ATG2B: variants seen among roughly 807,000 people sequenced by gnomAD.
ATG2B encodes the protein autophagy related 2B.
In ATG2B, 121 loss-of-function variants were observed where a neutral mutation model predicts 241.3. The observed-to-expected ratio is 0.50, with a 90% confidence interval of 0.43 to 0.58. ATG2B has a LOEUF of 0.58. Ranked by LOEUF, ATG2B falls within the 20% of genes least tolerant of loss-of-function variation. The pLI is 0.00. For synonymous variants in ATG2B, 858 were observed against 876.6 expected (o/e 0.98, Z 0.37); for missense variants, 2,306 against 2,491.6 (o/e 0.93, Z 1.59).
In ATG2B at chr14:96,347,197, G is replaced by A. The variant is rs367662140; in HGVS notation, c.307C>T (p.Arg103Trp). 1.4e-5 allele frequency: 22 copies of A among 1,594,368 alleles called. No homozygotes were observed. The highest frequency in any genetic ancestry group is 6.7e-5 in the South Asian group (6 of 89,468). ...CACCAACCTGGGCGAGGTCTAGGCC[G>A]GAAGACCATTTCTAATCCTCTCACT... ...LEVRGLEMVF[R>W]PRPRPATGSE... The change falls in exon 2 of 42, where the codon CGG becomes TGG. Residue 103 changes from arginine to tryptophan, a missense_variant. By Grantham distance (101) the Arg-to-Trp change is moderately radical. This residue lies in a region of ATG2B where 1,927 missense variants were observed against 2,011.2 expected (regional missense o/e 0.96). Transcript: ENST00000359933.
At position 96,325,644 on chromosome 14, in the gene ATG2B, C is replaced by G; in HGVS notation, c.2437+5G>C. The G allele has an allele frequency of 1.2e-6, 2 of 1,607,590 alleles. No individual in the cohort carries two copies. Among genetic ancestry groups the G allele is most frequent in the Non-Finnish European group, 1.7e-6 (2 of 1,177,464 alleles). Reference sequence around the variant, plus strand: ...TGGTTCTTTTACAGGCACATTCAATCTTACCAATTAGTTCTCTAAAGGTAA... The same window carrying G: ...TGGTTCTTTTACAGGCACATTCAATGTTACCAATTAGTTCTCTAAAGGTAA... On this transcript the variant is annotated splice_donor_5th_base_variant and intron_variant, in intron 15 of 41. Coordinates refer to ENST00000359933, the MANE Select transcript of ATG2B (RefSeq NM_018036.7).
At chr14:96,287,813 T>A (rs1374710360) in intron 41 of ATG2B, among the ~76,000 whole-genome samples, 1 of 152,192 alleles carries the variant, frequency 6.6e-6, no homozygotes, top group Non-Finnish European at 1.5e-5. Flanking sequence ...TGTTTTACAA[T>A]CCTTTAAAAT....
Position 96,305,738 on chromosome 14 carries a change from G to T in ATG2B, c.4584C>A (p.Pro1528=). The T allele has an allele frequency of 6.2e-7, 1 of 1,614,092 alleles. No homozygotes were observed. The highest frequency in any genetic ancestry group is 8.5e-7 in the Non-Finnish European group (1 of 1,179,990). Residue 1528 remains proline (P), a synonymous_variant, in exon 31 of 42, where the codon CCC becomes CCA. Transcript: ENST00000359933. ...CTTTGCTCGTATCGGTCTTATTAAC[G>T]GGCAGACTGAAATAATTGTCTCTTA... is the stretch of plus-strand genomic sequence containing the variant. ...IVIRDNYFSL[P]VNKTDTSKAP... is the part of the protein sequence containing the mutation.
chr14:96,328,984 A>G (rs773968146), intron 12 of ATG2B, among the ~76,000 whole-genome samples: 11 of 152,206 alleles, frequency 7.2e-5, no homozygotes, highest in Non-Finnish European at 1.3e-4. Context: ...CATTTCCAAG[A>G]AAGTGTTTTT....
intron 34 of ATG2B, among the ~76,000 whole-genome samples, chr14:96,301,463 G>A (rs939118571): frequency 5.9e-5 from 9 of 152,188 alleles, no homozygotes; most frequent in Non-Finnish European, 1.0e-4. Flanking sequence ...TAAACAGATC[G>A]CTGGGTCAAA....
chr14:96,359,452 G>T lies in ATG2B; in HGVS notation c.162+3363C>A, dbSNP rs1248154074. 2.0e-5 allele frequency among the ~76,000 whole-genome samples: 3 copies of T among 152,160 alleles called. No homozygotes were observed. The East Asian group carries it at 5.8e-4, about 29-fold the overall frequency. ...ATCTTCTTGAGCTCCTGTAAGAAAA[G>T]GGTCTTTGTTTAGTTCACTGCTATA... On this transcript the variant is annotated intron_variant, in intron 1 of 41. Transcript: ENST00000359933.
Position 96,323,880 on chromosome 14 carries a change from G to A in ATG2B, c.2540+16C>T. 6.8e-7 allele frequency: 1 copy of A among 1,478,052 alleles called. No individual in the cohort carries two copies. The highest frequency in any genetic ancestry group is 1.7e-4 in the Middle Eastern group (1 of 5,762). The allele number at this position is 1,478,052 out of a possible 1,614,324, so 91.6% of individuals were successfully genotyped here. ...AAAAGGAAAATCCTATTAAACCTAT[G>A]CATTTGCTTACTCACCGTGGCCAGT... On this transcript the variant is annotated intron_variant, in intron 16 of 41. Coordinates refer to ENST00000359933, the MANE Select transcript of ATG2B (RefSeq NM_018036.7).
intron 36 of ATG2B, among the ~76,000 whole-genome samples, chr14:96,294,060 T>C (rs758283952): frequency 6.6e-6 from 1 of 152,270 alleles, no homozygotes; most frequent in Admixed American, 6.5e-5. Context: ...GAATCATCTA[T>C]TCCAAGATCT....
intron 23 of ATG2B, among the ~76,000 whole-genome samples, chr14:96,314,796 G>C (rs1887261105): frequency 6.6e-6 from 1 of 152,242 alleles, no homozygotes; most frequent in African/African-American, 2.4e-5. Flanking sequence ...CGCCTCCCGG[G>C]TTCAAGCGAT....
At position 96,332,573 on chromosome 14, in the gene ATG2B, GT is replaced by G; in HGVS notation, c.1289del (p.Asn430ThrfsTer8). 6.2e-7 allele frequency: 1 copy of G among 1,611,152 alleles called. No homozygotes were observed. Among genetic ancestry groups the G allele is most frequent in the Non-Finnish European group, 8.5e-7 (1 of 1,178,916 alleles). Reference sequence around the variant, plus strand: ...TAGTTAATGATAACTCAAGGTCCATGTTTGGGGGGTCCCCAAGGGGTGGAAG... The same window carrying G: ...TAGTTAATGATAACTCAAGGTCCATGTTGGGGGGTCCCCAAGGGGTGGAAG... ...SSLPPLGDPPNMDLELSLTST... is the reference protein window; with the variant it reads ...SSLPPLGDPPXMDLELSLTST... On this transcript the variant is annotated frameshift_variant, in exon 9 of 42. Transcript: ENST00000359933. LOFTEE classifies it high-confidence loss of function.
At chr14:96,312,575 C>T (rs1887190756) in intron 25 of ATG2B, among the ~76,000 whole-genome samples, 1 of 152,072 alleles carries the variant, frequency 6.6e-6, no homozygotes, top group Non-Finnish European at 1.5e-5. Context: ...GACCCCTTCT[C>T]TACAAAAACA....
rs753293154 is a variant in ATG2B at position 96,290,448 on chromosome 14, A to G, written c.5844T>C (p.Val1948=). The part of the protein sequence containing the change: ...MAALELTNRM[V]QTIQAAAETA... ...TCTAAAAAGATACCTGTATGGTTTG[A>G]ACCATTCTGTTTGTGAGTTCTAGAG... The change falls in exon 40 of 42, where the codon GTT becomes GTC. Residue 1948 remains valine (V), a synonymous_variant. Coordinates refer to ENST00000359933, the MANE Select transcript of ATG2B (RefSeq NM_018036.7). This position sits in a 1 kb window ranked among gnomAD's most constrained non-coding sequence, Gnocchi z 4.4. 6.2e-7 allele frequency: 1 copy of G among 1,614,200 alleles called. No individual in the cohort carries two copies. Among genetic ancestry groups the G allele is most frequent in the Middle Eastern group, 1.7e-4 (1 of 6,058 alleles).
chr14:96,331,403 G>A lies in ATG2B; in HGVS notation c.1703C>T (p.Ala568Val), dbSNP rs1161582156. 2 of 1,613,734 alleles carry A rather than the reference G, an allele frequency of 1.2e-6. No homozygotes were observed. The highest frequency in any genetic ancestry group is 1.7e-6 in the Non-Finnish European group (2 of 1,179,908). The change falls in exon 11 of 42, where the codon GCA (alanine) becomes GTA (valine). Residue 568 changes from alanine to valine, a missense_variant. Ala to Val is a moderately conservative substitution (Grantham distance 64, BLOSUM62 0). Around this residue, in one of 2 missense-constraint regions of ATG2B, gnomAD observed 1,927 missense variants for 2,011.2 expected, o/e 0.96. Transcript: ENST00000359933. ...EDFKSFRAVF[A>V]EACSHDHLRF... The stretch of plus-strand genomic sequence containing the variant: ...AAGGTGATCGTGTGAGCAAGCTTCT[G>A]CAAACACTGCTCGGAAAGACTTAAA...
At chr14:96,345,609 T>A (rs1888150694) in intron 2 of ATG2B, among the ~76,000 whole-genome samples, 1 of 152,204 alleles carries the variant, frequency 6.6e-6, no homozygotes, top group African/African-American at 2.4e-5. Flanking sequence ...GTCCAGAGAA[T>A]GTGCTCTCAC....
Position 96,317,783 on chromosome 14 carries a change from A to G in ATG2B, c.2952T>C (p.Tyr984=), listed in dbSNP as rs201133350. The change falls in exon 19 of 42, where the codon TAT becomes TAC. Residue 984 remains tyrosine, a synonymous_variant. Coordinates refer to ENST00000359933, the MANE Select transcript of ATG2B (RefSeq NM_018036.7). Reference sequence around the variant, plus strand: ...GACTGGCTACTGAAAGCCCAATGCCATAGGAAATATTCTCGAATGTCTCCA... The same window carrying G: ...GACTGGCTACTGAAAGCCCAATGCCGTAGGAAATATTCTCGAATGTCTCCA... ...SPVETFENIS[Y]GIGLSVASQL... 1 of 1,613,128 alleles carries G rather than the reference A, an allele frequency of 6.2e-7. No homozygotes were observed. The highest frequency in any genetic ancestry group is 8.5e-7 in the Non-Finnish European group (1 of 1,179,244).
chr14:96,340,157 A>ATCATATATGATATATATC (rs1887992204), intron 6 of ATG2B, among the ~76,000 whole-genome samples: 1 of 77,160 alleles, frequency 1.3e-5, no homozygotes, highest in Admixed American at 1.3e-4. Context: ...GAATATATAT[A>ATCATATATGATATATATC]TCATATATGA....
intron 1 of ATG2B, among the ~76,000 whole-genome samples, chr14:96,352,783 C>A (rs1566736152): frequency 6.6e-6 from 1 of 150,770 alleles, no homozygotes; most frequent in African/African-American, 2.5e-5. Context: ...CTCAGGTTAA[C>A]TTATTATTGA....
At chr14:96,294,797 G>T (rs1457754017) in intron 36 of ATG2B, among the ~76,000 whole-genome samples, 163 bp downstream of exon 36, 1 of 152,170 alleles carries the variant, frequency 6.6e-6, no homozygotes, top group African/African-American at 2.4e-5. Context: ...AATAAGGGGG[G>T]TGCAATTAGA....
At chr14:96,291,818 T>A in intron 37 of ATG2B, 136 bp from the exon 38 acceptor site, 1 of 658,386 alleles carries the variant, frequency 1.5e-6, no homozygotes, top group Non-Finnish European at 2.5e-6. Flanking sequence ...AGTAAAAATA[T>A]ATATCTTACA....
Sources: allele counts gnomAD v4.1 joint callset (sites outside exome capture counted in the v4.1 genomes callset), GRCh38; gene constraint gnomAD v4.1.1; regional missense constraint gnomAD v4.1.1; non-coding constraint Gnocchi (gnomAD v3.1); transcripts MANE v1.5; gene names NCBI Gene and HGNC (gene_info 2026-07-23, HGNC 2026-07-21).